The following TSBP1 variants were observed in gnomAD, a reference collection of about 807,000 sequenced individuals.
TSBP1 encodes testis expressed basic protein 1, also known as testis-expressed basic protein 1.
Under a neutral mutation model 68.8 loss-of-function variants are expected in TSBP1, and 56 were observed. The ratio of observed to expected loss-of-function variants is 0.81; its 90% CI spans 0.66 to 1.02. The LOEUF (loss-of-function observed/expected upper bound fraction) is 1.02. TSBP1 is among the 50% of genes least tolerant of loss of function. The probability of loss-of-function intolerance (pLI) is 0.00; values close to 1 mark genes in which losing one functional copy is unlikely to be tolerated. For synonymous variants in TSBP1, 171 were observed against 208.7 expected (o/e 0.82, Z 1.56); for missense variants, 502 against 641.2 (o/e 0.78, Z 2.34).
At chr6:32,310,638 C>T (rs925093530) in intron 19 of TSBP1, among the ~76,000 whole-genome samples, 9 of 149,834 alleles carry the variant, frequency 6.0e-5, no homozygotes, top group African/African-American at 2.2e-4. Context: ...TATATATTAT[C>T]TAATCATTGT....
chr6:32,347,434 T>C (rs1771173287), intron 9 of TSBP1, among the ~76,000 whole-genome samples: 1 of 152,216 alleles, frequency 6.6e-6, no homozygotes, highest in African/African-American at 2.4e-5. Flanking sequence ...TATACATGCC[T>C]GAATGTAGGT....
rs1203396779 is a variant in TSBP1, at chr6:32,306,482, A to G, written c.581-3853T>C. Reference sequence around the variant, plus strand: ...ATCTTCTCGGTTTGCTGACTCTCCAATATAATCTGCTTTTCATCCCACCAA... The same window carrying G: ...ATCTTCTCGGTTTGCTGACTCTCCAGTATAATCTGCTTTTCATCCCACCAA... On this transcript the variant is annotated intron_variant, in intron 19 of 22. Coordinates refer to ENST00000612031, the Ensembl canonical transcript of TSBP1. The surrounding 1 kb of genome is among the most constrained non-coding windows in gnomAD (Gnocchi z 5.1). Among the ~76,000 whole-genome samples the G allele has an allele frequency of 6.6e-6, 1 of 152,036 alleles. No individual in the cohort carries two copies. The highest frequency in any genetic ancestry group is 1.5e-5 in the Non-Finnish European group (1 of 67,994).
intron 9 of TSBP1, among the ~76,000 whole-genome samples, chr6:32,347,780 T>C (rs9268285): frequency 0.34 from 51,104 of 151,986 alleles, 9,662 homozygotes; most frequent in Middle Eastern, 0.52. Flanking sequence ...CTGGCCTTCC[T>C]GCAATCTCTC....
intron 19 of TSBP1, among the ~76,000 whole-genome samples, chr6:32,310,761 A>ATATATATATATATATATATTTTTTT: frequency 3.5e-5 from 5 of 144,832 alleles, no homozygotes; most frequent in East Asian, 4.0e-4. Flanking sequence ...ATATATATAT[A>ATATATATATATATATATATTTTTTT]TTTTTAATCT....
chr6:32,296,184 C>T (rs945732821), intron 22 of TSBP1, among the ~76,000 whole-genome samples: 1 of 152,134 alleles, frequency 6.6e-6, no homozygotes, highest in Non-Finnish European at 1.5e-5. Context: ...AATTATTGGA[C>T]TTTTCGTTTT....
At chr6:32,307,362 T>A (rs1035863708) in intron 19 of TSBP1, among the ~76,000 whole-genome samples, 7 of 152,196 alleles carry the variant, frequency 4.6e-5, no homozygotes, top group African/African-American at 7.2e-5. Context: ...TAAATATGTA[T>A]ATGTTAATAT....
chr6:32,315,540 T>G lies in TSBP1; in HGVS notation c.580+232A>C, dbSNP rs1449035462. 2.6e-5 allele frequency among the ~76,000 whole-genome samples: 4 copies of G among 152,156 alleles called. No homozygotes were observed. The highest frequency in any genetic ancestry group is 5.9e-5 in the Non-Finnish European group (4 of 68,020). ...TCACGCCACTGCACTCCAGCCTGTG[T>G]GACAGAGTGAGACTCTGTCTCAAAA... On this transcript the variant is annotated intron_variant, in intron 19 of 22. Coordinates refer to ENST00000612031, the Ensembl canonical transcript of TSBP1. This position sits in a 1 kb window ranked among gnomAD's most constrained non-coding sequence, Gnocchi z 5.4.
chr6:32,293,284 C>A (rs1347458626), exon 23 of TSBP1: 2 of 1,611,348 alleles, frequency 1.2e-6, no homozygotes, highest in Non-Finnish European at 1.7e-6. Flanking sequence ...CTGGTACACT[C>A]ACCTCAGTGT....
intron 9 of TSBP1, among the ~76,000 whole-genome samples, chr6:32,347,635 T>C (rs1771202746): frequency 6.6e-6 from 1 of 152,218 alleles, no homozygotes; most frequent in African/African-American, 2.4e-5. Context: ...AAAGCATAAA[T>C]GTGGCTTTAT....
Position 32,304,475 on chromosome 6 carries a change from T to G in TSBP1, c.581-1846A>C, listed in dbSNP as rs1765596352. ...TCTTCTAGGAATATGCTATCTCTTA[T>G]TAAGTCAATTTTAACTCCACTTTAA... On this transcript the variant is annotated intron_variant, in intron 19 of 22. Transcript: ENST00000612031. This position sits in a 1 kb window ranked among gnomAD's most constrained non-coding sequence, Gnocchi z 4.8. Among the ~76,000 whole-genome samples the G allele has an allele frequency of 6.6e-6, 1 of 152,218 alleles. No homozygotes were observed. The highest frequency in any genetic ancestry group is 1.5e-5 in the Non-Finnish European group (1 of 68,046).
In TSBP1 at chr6:32,365,593, G is replaced by A. The variant is rs1423404172; in HGVS notation, c.217+574C>T. ...TCTGGGTGGAGTGAGAAATAAGTGG[G>A]CTTATCGGACAGCATCCTGAATGGC... On this transcript the variant is annotated intron_variant, in intron 6 of 22. Transcript: ENST00000612031. The surrounding 1 kb of genome is among the most constrained non-coding windows in gnomAD (Gnocchi z 4.3). The A allele has an allele frequency of 2.2e-6, 1 of 456,316 alleles. No homozygotes were observed. The highest frequency in any genetic ancestry group is 2.0e-5 in the African/African-American group (1 of 50,030). 28.3% of individuals were successfully genotyped at this position (456,316 alleles called of 1,614,324 possible).
intron 9 of TSBP1, among the ~76,000 whole-genome samples, chr6:32,347,125 T>C (rs1771109137): frequency 6.6e-6 from 1 of 151,736 alleles, no homozygotes; most frequent in African/African-American, 2.4e-5. Flanking sequence ...TTAAAAATTA[T>C]AACATTTTTA....
chr6:32,320,522 G>A (rs1419347898), intron 18 of TSBP1, among the ~76,000 whole-genome samples: 1 of 152,074 alleles, frequency 6.6e-6, no homozygotes, highest in African/African-American at 2.4e-5. Context: ...CTGAGGCAAA[G>A]CTGTCATCTC....
chr6:32,300,650 A>T (rs1404242563), intron 21 of TSBP1, 30 bp downstream of exon 24: 6 of 1,608,702 alleles, frequency 3.7e-6, no homozygotes, highest in Non-Finnish European at 4.3e-6. Flanking sequence ...GCACAGAAAT[A>T]GGTAAGGCAA....
At chr6:32,339,991 C>T (rs559524442) in intron 9 of TSBP1, among the ~76,000 whole-genome samples, 3 of 152,292 alleles carry the variant, frequency 2.0e-5, no homozygotes, top group South Asian at 2.1e-4. Context: ...TGAAACACTT[C>T]GGCAAAGTAG....
In TSBP1 at chr6:32,302,529, A is replaced by G; in HGVS notation, c.601+80T>C. On this transcript the variant is annotated intron_variant, in intron 20 of 22. Transcript: ENST00000612031. The surrounding 1 kb of genome is among the most constrained non-coding windows in gnomAD (Gnocchi z 5.1). The stretch of plus-strand genomic sequence containing the variant: ...CAGCAAACAAAAACAAACATAAAAC[A>G]TTAAAAACATTTGTAGAAAAAATTT... 1.1e-6 allele frequency: 1 copy of G among 922,844 alleles called. No homozygotes were observed. The highest frequency in any genetic ancestry group is 1.8e-6 in the Non-Finnish European group (1 of 569,376). The allele number at this position is 922,844 out of a possible 1,614,324, so 57.2% of individuals were successfully genotyped here.
chr6:32,324,239 A>G (rs944848010), intron 16 of TSBP1, among the ~76,000 whole-genome samples: 2 of 152,166 alleles, frequency 1.3e-5, no homozygotes, highest in Non-Finnish European at 2.9e-5. Context: ...TTTTTCTTAG[A>G]TGTTTTGGAA....
At chr6:32,293,218 T>C (rs201446020) in exon 23 of TSBP1, 2 of 1,612,916 alleles carry the variant, frequency 1.2e-6, no homozygotes, top group Non-Finnish European at 1.7e-6. Context: ...TTTCTTGGGC[T>C]TCCTGTCCTT....
intron 19 of TSBP1, among the ~76,000 whole-genome samples, chr6:32,308,180 T>C (rs1582994469): frequency 2.0e-5 from 3 of 152,142 alleles, no homozygotes; most frequent in African/African-American, 7.2e-5. Context: ...TATTTTTTTA[T>C]AGGAAAATAG....
Sources: gnomAD v4.1 joint callset for allele counts (sites outside exome capture counted in the v4.1 genomes callset) on GRCh38, gnomAD v4.1.1 for gene constraint, Gnocchi (gnomAD v3.1) non-coding constraint, MANE v1.5 for transcripts, NCBI Gene and HGNC (gene_info 2026-07-23, HGNC 2026-07-21) for gene names.